DNAAF5: variants seen among roughly 807,000 people sequenced by gnomAD.
DNAAF5 encodes dynein axonemal assembly factor 5.
A neutral mutation model predicts 75.8 loss-of-function variants in DNAAF5; 64 were observed. The ratio of observed to expected loss-of-function variants is 0.84; its 90% CI spans 0.69 to 1.04. The LOEUF (loss-of-function observed/expected upper bound fraction) is 1.04, where lower values mean the gene tolerates loss of function less well. Among genes scored for constraint, DNAAF5 ranks in the 50% least tolerant of loss-of-function variants. The pLI is 0.00. For missense variants in DNAAF5, 1,269 were observed against 1,178.5 expected (o/e 1.08, Z -1.12); for synonymous variants, 657 against 557.2 (o/e 1.18, Z -2.52).
At chr7:779,468 G>A (rs753929184) in intron 11 of DNAAF5, among the ~76,000 whole-genome samples, 10 of 152,176 alleles carry the variant, frequency 6.6e-5, no homozygotes, top group Non-Finnish European at 8.8e-5. Flanking sequence ...TCTACCCATC[G>A]GGAAGGATCA....
At chr7:764,888 C>T (rs1003003482) in intron 8 of DNAAF5, among the ~76,000 whole-genome samples, 11 of 152,138 alleles carry the variant, frequency 7.2e-5, no homozygotes, top group South Asian at 2.1e-4. Context: ...CTGGCCAACA[C>T]GGCAAGAGCT....
intron 4 of DNAAF5, among the ~76,000 whole-genome samples, chr7:750,605 C>T (rs954079567): frequency 6.6e-6 from 1 of 152,158 alleles, no homozygotes; most frequent in Non-Finnish European, 1.5e-5. Context: ...AATCTCATGC[C>T]GCCACTGATC....
chr7:759,888 A>G (rs1030815565), intron 6 of DNAAF5, among the ~76,000 whole-genome samples: 1 of 152,234 alleles, frequency 6.6e-6, no homozygotes, highest in Non-Finnish European at 1.5e-5. Flanking sequence ...TGAAATGTAC[A>G]TGACAGGTCA....
At chr7:759,735 G>A (rs1229102095) in intron 6 of DNAAF5, among the ~76,000 whole-genome samples, 4 of 152,136 alleles carry the variant, frequency 2.6e-5, no homozygotes, top group South Asian at 4.1e-4. Context: ...ACGGTGCTGC[G>A]TTCGTGGCAG....
intron 11 of DNAAF5, among the ~76,000 whole-genome samples, chr7:776,059 G>T (rs1347757408): frequency 6.6e-6 from 1 of 152,184 alleles, no homozygotes; most frequent in Non-Finnish European, 1.5e-5. Flanking sequence ...AGAAAACGTG[G>T]CCGGGCACGG....
At chr7:774,557 CCGCAT>C in intron 10 of DNAAF5, among the ~76,000 whole-genome samples, 1 of 61,436 alleles carries the variant, frequency 1.6e-5, no homozygotes, top group South Asian at 5.0e-4. Flanking sequence ...CCTGGGCTTT[CCGCAT>C]CGTTTCTATG....
Position 727,166 on chromosome 7 carries a change from TG to T in DNAAF5, c.449del (p.Gly150AlafsTer59). The T allele has an allele frequency of 7.6e-7, 1 of 1,309,460 alleles. No individual in the cohort carries two copies. The highest frequency in any genetic ancestry group is 9.8e-7 in the Non-Finnish European group (1 of 1,024,650). The allele number at this position is 1,309,460 out of a possible 1,614,324, so 81.1% of individuals were successfully genotyped here. A position where few individuals can be genotyped will look rare whatever the true frequency, so the allele number is the denominator to read the frequency against. On this transcript the variant is annotated frameshift_variant, in exon 1 of 13. Transcript: ENST00000297440. LOFTEE classifies it high-confidence loss of function. ...EELRLALVQLLGLAVDLCGAA... is the reference protein window; with the variant it reads ...EELRLALVQLXGLAVDLCGAA... Reference sequence around the variant, plus strand: ...CTGCGCCTGGCGCTTGTGCAGCTGCTGGGCCTGGCCGTGGACCTGTGCGGCG... The same window carrying T: ...CTGCGCCTGGCGCTTGTGCAGCTGCTGGCCTGGCCGTGGACCTGTGCGGCG...
In DNAAF5 at chr7:754,374, C is replaced by G. The variant is rs906737484; in HGVS notation, c.1025-215C>G. Reference sequence around the variant, plus strand: ...TTCCTGGGCTCTAGTGATCCACCTGCCTTGGCCTCCACAGGGCTAGGACTG... The same window carrying G: ...TTCCTGGGCTCTAGTGATCCACCTGGCTTGGCCTCCACAGGGCTAGGACTG... On this transcript the variant is annotated intron_variant, in intron 4 of 12. Coordinates refer to ENST00000297440, the MANE Select transcript of DNAAF5 (RefSeq NM_017802.4). This position sits in a 1 kb window ranked among gnomAD's most constrained non-coding sequence, Gnocchi z 4.8. 2.6e-5 allele frequency among the ~76,000 whole-genome samples: 4 copies of G among 152,134 alleles called. No individual in the cohort carries two copies. The highest frequency in any genetic ancestry group is 5.9e-5 in the Non-Finnish European group (4 of 68,018).
At chr7:763,446 G>GC (rs1462274254) in intron 7 of DNAAF5, among the ~76,000 whole-genome samples, 1 of 152,200 alleles carries the variant, frequency 6.6e-6, no homozygotes, top group Non-Finnish European at 1.5e-5. Context: ...TAAGCCACTT[G>GC]CCCGCCCCTC....
At chr7:736,186 G>C (rs7791511) in intron 2 of DNAAF5, among the ~76,000 whole-genome samples, 71,062 of 152,048 alleles carry the variant, frequency 0.47, 16,777 homozygotes, top group African/African-American at 0.49. Context: ...TTCTGTAGCT[G>C]TTGGATGCAA....
chr7:780,508 T>G (rs77927050), intron 12 of DNAAF5, among the ~76,000 whole-genome samples: 6,092 of 152,374 alleles, frequency 0.04, 427 homozygotes, highest in African/African-American at 0.14. Context: ...AATGTGTAGC[T>G]TGATGGAAGA....
rs1453885176 is a variant in DNAAF5 at position 779,989 on chromosome 7, T to G, written c.2276T>G (p.Val759Gly). Residue 759 changes from valine (V) to glycine (G), a missense_variant, in exon 12 of 13, where the codon GTG becomes GGG. Transcript: ENST00000297440. ...LKRLDDVSND[V>G]RMAAASTLVT... ...CGCCTAGATGACGTGTCCAACGATG[T>G]GAGGATGGCAGCCGCCTCCACCTTG... is the stretch of plus-strand genomic sequence containing the variant. 6.2e-7 allele frequency: 1 copy of G among 1,614,204 alleles called. No homozygotes were observed.
Position 774,185 on chromosome 7 carries a change from T to C in DNAAF5, c.2069T>C (p.Leu690Pro), listed in dbSNP as rs761120794. The C allele has an allele frequency of 5.0e-6, 8 of 1,608,584 alleles. No homozygotes were observed. Among genetic ancestry groups the C allele is most frequent in the South Asian group, 1.1e-5 (1 of 90,972 alleles). Reference sequence around the variant, plus strand: ...TGGGCGCTCACCAGCAGCGAGGTCCTGTCGGCAGAGCAGGTACGGGGCTCC... The same window carrying C: ...TGGGCGCTCACCAGCAGCGAGGTCCCGTCGGCAGAGCAGGTACGGGGCTCC... The part of the protein sequence containing the change: ...CLWALTSSEV[L>P]SAEQIRDVQE... The change falls in exon 10 of 13, where the codon CTG (leucine) becomes CCG (proline). Residue 690 changes from leucine (L) to proline (P), a missense_variant. Physicochemically the swap from Leu to Pro is moderately conservative, Grantham distance 98 (BLOSUM62 -3). Coordinates refer to ENST00000297440, the MANE Select transcript of DNAAF5 (RefSeq NM_017802.4).
At chr7:779,882 T>C in intron 11 of DNAAF5, 71 bp from the exon 12 acceptor site, 1 of 1,355,576 alleles carries the variant, frequency 7.4e-7, no homozygotes. Flanking sequence ...ATGAACTAAA[T>C]GCCTTTGTGG....
intron 4 of DNAAF5, among the ~76,000 whole-genome samples, chr7:744,965 C>T (rs1407120008): frequency 6.6e-6 from 1 of 152,194 alleles, no homozygotes; most frequent in East Asian, 1.9e-4. Context: ...CACTGTTGAA[C>T]TCACACTCTT....
intron 12 of DNAAF5, among the ~76,000 whole-genome samples, chr7:784,992 C>T (rs112196447): frequency 1.3e-5 from 2 of 151,994 alleles, no homozygotes; most frequent in African/African-American, 4.8e-5. Flanking sequence ...CACGTTGTGA[C>T]TCAGGTCATT....
In DNAAF5 at chr7:728,995, C is replaced by CTTTT. The variant is rs398003363; in HGVS notation, c.596-652_596-649dup. Among the ~76,000 whole-genome samples, 655 of 125,550 alleles carry CTTTT rather than the reference C, an allele frequency of 5.2e-3. 20 individuals are homozygous for CTTTT. Among genetic ancestry groups the CTTTT allele is most frequent in the African/African-American group, 0.018 (602 of 32,602 alleles). 82.4% of individuals were successfully genotyped at this position (125,550 alleles called of 152,430 possible). ...GATGCCAGAGACCCTTTGGTTCTGA[C>CTTTT]TTTTTTTTTTTTTTTTTTTGAGACA... is the stretch of plus-strand genomic sequence containing the variant. On this transcript the variant is annotated intron_variant, in intron 1 of 12. Transcript: ENST00000297440.
At position 726,950 on chromosome 7, in the gene DNAAF5, T is replaced by G; in HGVS notation, c.230T>G (p.Leu77Arg). 1 of 1,331,352 alleles carries G rather than the reference T, an allele frequency of 7.5e-7. No individual in the cohort carries two copies. The highest frequency in any genetic ancestry group is 9.6e-7 in the Non-Finnish European group (1 of 1,036,808). 82.5% of individuals were successfully genotyped at this position (1,331,352 alleles called of 1,614,324 possible). A position where few individuals can be genotyped will look rare whatever the true frequency, so the allele number is the denominator to read the frequency against. Residue 77 changes from leucine (L) to arginine (R), a missense_variant, in exon 1 of 13, where the codon CTG becomes CGG. Physicochemically the swap from Leu to Arg is moderately radical, Grantham distance 102 (BLOSUM62 -2). Coordinates refer to ENST00000297440, the MANE Select transcript of DNAAF5 (RefSeq NM_017802.4). ...TAFQGPWARL[L>R]LPRLLRCLSD... ...TTCCAGGGCCCCTGGGCGCGCCTAC[T>G]GCTGCCGCGCTTGCTGCGCTGCCTG...
intron 12 of DNAAF5, among the ~76,000 whole-genome samples, chr7:782,272 G>A (rs1235417447): frequency 6.7e-6 from 1 of 149,322 alleles, no homozygotes; most frequent in Admixed American, 6.7e-5. Flanking sequence ...GCCACCTCCC[G>A]ACACGCGGCA....
Sources: gnomAD v4.1 joint callset for allele counts (sites outside exome capture counted in the v4.1 genomes callset) on GRCh38, gnomAD v4.1.1 for gene constraint, Gnocchi (gnomAD v3.1) non-coding constraint, MANE v1.5 for transcripts, NCBI Gene and HGNC (gene_info 2026-07-23, HGNC 2026-07-21) for gene names.